Variants in MYO3B observed in about 807,000 individuals in gnomAD.
MYO3B encodes myosin IIIB.
Under a neutral mutation model 174.6 loss-of-function variants are expected in MYO3B, and 156 were observed. The ratio of observed to expected loss-of-function variants is 0.89; its 90% CI spans 0.78 to 1.02. The LOEUF is 1.02. MYO3B is among the 50% of genes least tolerant of loss of function. The pLI, the probability that MYO3B is intolerant of heterozygous loss-of-function variation, is 0.00. For synonymous variants in MYO3B, 563 were observed against 569.1 expected, an observed-to-expected ratio of 0.99 and a Z score of 0.15; for missense variants, 1,632 against 1,639.4, an observed-to-expected ratio of 1.00 and a Z score of 0.08.
intron 7 of MYO3B, among the ~76,000 whole-genome samples, chr2:170,270,636 G>C (rs1052299245): frequency 4.6e-5 from 7 of 152,136 alleles, no homozygotes; most frequent in Non-Finnish European, 1.0e-4. Context: ...GCCCTGCCCT[G>C]TATAGAAGCC....
At chr2:170,221,212 T>G (rs1046374181) in intron 6 of MYO3B, among the ~76,000 whole-genome samples, 4 of 152,078 alleles carry the variant, frequency 2.6e-5, no homozygotes, top group Admixed American at 2.0e-4. Flanking sequence ...GTCTTTAGAT[T>G]AAATACGACA....
At chr2:170,386,018 C>G (rs537713082) in intron 12 of MYO3B, 171 bp from the exon 13 acceptor site, 3 of 545,756 alleles carry the variant, frequency 5.5e-6, no homozygotes, top group Non-Finnish European at 9.9e-6. Flanking sequence ...AATGGAACAA[C>G]AAGTAGCTAT....
intron 7 of MYO3B, among the ~76,000 whole-genome samples, chr2:170,271,828 C>T (rs908351318): frequency 1.1e-4 from 17 of 152,110 alleles, no homozygotes; most frequent in African/African-American, 2.4e-4. Flanking sequence ...TAGTGGGCTT[C>T]GGAAATGTTC....
In MYO3B at chr2:170,517,989, T is replaced by TTGTGTG. The variant is rs10606302; in HGVS notation, c.3473-1429_3473-1424dup. Among the ~76,000 whole-genome samples, 554 of 149,504 alleles carry TTGTGTG rather than the reference T, an allele frequency of 3.7e-3. 2 individuals carry two copies. Among genetic ancestry groups the TTGTGTG allele is most frequent in the African/African-American group, 9.6e-3 (390 of 40,682 alleles). On this transcript the variant is annotated intron_variant, in intron 29 of 34. Transcript: ENST00000408978. Reference sequence around the variant, plus strand: ...TTGTTTCACTGTTTGGCCATAATGTTTGTGTGTGTGTGTGTGTGTGTGTGT... The same window carrying TTGTGTG: ...TTGTTTCACTGTTTGGCCATAATGTTTGTGTGTGTGTGTGTGTGTGTGTGTGTGTGT...
At position 170,407,749 on chromosome 2, in the gene MYO3B, A is replaced by G; in HGVS notation, c.2555A>G (p.Asn852Ser). Residue 852 changes from asparagine to serine, a missense_variant, in exon 22 of 35, where the codon AAT (asparagine) becomes AGT (serine). Physicochemically the swap from Asn to Ser is conservative, Grantham distance 46. Transcript: ENST00000408978. ...LYDASGVLEK[N>S]RDTLPADVVV... The stretch of plus-strand genomic sequence containing the variant: ...GATGCTTCTGGGGTTCTTGAGAAAA[A>G]TAGAGACACTCTCCCTGCCGATGTG... 6.2e-7 allele frequency: 1 copy of G among 1,614,076 alleles called. No homozygotes were observed. The highest frequency in any genetic ancestry group is 8.5e-7 in the Non-Finnish European group (1 of 1,179,974).
intron 33 of MYO3B, 35 bp downstream of exon 33, chr2:170,651,769 G>GAAACAAAGCCAGTGAAA: frequency 6.4e-7 from 1 of 1,558,436 alleles, no homozygotes; most frequent in Non-Finnish European, 8.9e-7. Flanking sequence ...TGTTTCACTG[G>GAAACAAAGCCAGTGAAA]CTTTGTTTCC....
At chr2:170,335,771 T>C (rs6757443) in intron 8 of MYO3B, among the ~76,000 whole-genome samples, 93,156 of 151,920 alleles carry the variant, frequency 0.61, 28,781 homozygotes, top group Admixed American at 0.68. Context: ...ATCTGATGCC[T>C]ACATTAGGAC....
intron 32 of MYO3B, among the ~76,000 whole-genome samples, chr2:170,571,246 A>G (rs1191482385): frequency 4.6e-5 from 7 of 152,162 alleles, no homozygotes; most frequent in Admixed American, 4.6e-4. Context: ...ATGATTCTGT[A>G]CCTGCCCTCA....
chr2:170,418,117 T>C (rs1239295843), intron 22 of MYO3B, among the ~76,000 whole-genome samples: 1 of 152,194 alleles, frequency 6.6e-6, no homozygotes, highest in Non-Finnish European at 1.5e-5. Context: ...CACGTCCTAG[T>C]TTGACCTTCA....
Position 170,235,971 on chromosome 2 carries a change from G to A in MYO3B, c.604-20G>A, listed in dbSNP as rs769814450. The A allele has an allele frequency of 5.6e-6, 9 of 1,613,496 alleles. No individual in the cohort carries two copies. The highest frequency in any genetic ancestry group is 1.7e-5 in the Admixed American group (1 of 59,986). On this transcript the variant is annotated intron_variant, in intron 6 of 34. Coordinates refer to ENST00000408978, the MANE Select transcript of MYO3B (RefSeq NM_138995.5). ...TGTGGCAGTAGGGTTGATGTGTCAT[G>A]TCCTGCTTTTGTCCAATAGGTCATT... is the stretch of plus-strand genomic sequence containing the variant.
rs1424387193 is a variant in MYO3B at position 170,339,578 on chromosome 2, A to G, written c.815+4128A>G. Among the ~76,000 whole-genome samples, 2 of 152,224 alleles carry G rather than the reference A, an allele frequency of 1.3e-5. 1 individual carries two copies. Among genetic ancestry groups the G allele is most frequent in the Non-Finnish European group, 2.9e-5 (2 of 68,026 alleles). On this transcript the variant is annotated intron_variant, in intron 8 of 34. Coordinates refer to ENST00000408978, the MANE Select transcript of MYO3B (RefSeq NM_138995.5). Reference sequence around the variant, plus strand: ...AGGAGGGCCAGGAAGGCAGGAAATCAGGAGCACTGGGGATGTGGCTTAGTG... The same window carrying G: ...AGGAGGGCCAGGAAGGCAGGAAATCGGGAGCACTGGGGATGTGGCTTAGTG...
chr2:170,377,309 T>C (rs1203141238), intron 9 of MYO3B, among the ~76,000 whole-genome samples: 1 of 152,224 alleles, frequency 6.6e-6, no homozygotes, highest in Non-Finnish European at 1.5e-5. Flanking sequence ...ACCAGTTTGG[T>C]GTCCTCTAAA....
At chr2:170,630,733 G>A (rs1170731118) in intron 32 of MYO3B, among the ~76,000 whole-genome samples, 1 of 151,942 alleles carries the variant, frequency 6.6e-6, no homozygotes, top group African/African-American at 2.4e-5. Context: ...TTGCTGTTCT[G>A]CAGCCTCCGC....
chr2:170,303,831 A>G (rs551120382), intron 7 of MYO3B, among the ~76,000 whole-genome samples: 6 of 152,172 alleles, frequency 3.9e-5, no homozygotes, highest in Admixed American at 6.5e-5. Context: ...ATTAATATGC[A>G]ATTACTCATT....
chr2:170,292,397 A>C (rs542509387), intron 7 of MYO3B, among the ~76,000 whole-genome samples: 1 of 152,206 alleles, frequency 6.6e-6, no homozygotes, highest in Non-Finnish European at 1.5e-5. Flanking sequence ...GAGAGCTTAC[A>C]AATGGCTGTC....
At chr2:170,540,010 A>T (rs1329064945) in intron 30 of MYO3B, among the ~76,000 whole-genome samples, 1 of 152,128 alleles carries the variant, frequency 6.6e-6, no homozygotes, top group Non-Finnish European at 1.5e-5. Flanking sequence ...ACTGCTTACC[A>T]GCTGTGGTTT....
At chr2:170,410,372 G>C (rs1335541463) in intron 22 of MYO3B, among the ~76,000 whole-genome samples, 2 of 152,004 alleles carry the variant, frequency 1.3e-5, no homozygotes, top group Non-Finnish European at 2.9e-5. Flanking sequence ...ACGAGGTCAG[G>C]AGTTCGAGAC....
chr2:170,625,403 C>G (rs147230167), intron 32 of MYO3B, among the ~76,000 whole-genome samples: 12 of 152,064 alleles, frequency 7.9e-5, no homozygotes, highest in African/African-American at 2.2e-4. Flanking sequence ...CTGTGGGATC[C>G]GTGGTGATAT....
intron 25 of MYO3B, among the ~76,000 whole-genome samples, chr2:170,473,184 C>T (rs952974407): frequency 7.2e-6 from 1 of 138,556 alleles, no homozygotes; most frequent in African/African-American, 2.7e-5. Flanking sequence ...ACTCTGTCAC[C>T]TAGGCTGGAG....
Sources: allele counts gnomAD v4.1 joint callset (sites outside exome capture counted in the v4.1 genomes callset), GRCh38; gene constraint gnomAD v4.1.1; transcripts MANE v1.5; gene names NCBI Gene and HGNC (gene_info 2026-07-23, HGNC 2026-07-21).